RASSF3: variants seen among roughly 807,000 people sequenced by gnomAD.
The protein encoded by RASSF3 is Ras association domain family member 3, also known as ras association domain-containing protein 3.
RASSF3 carries 19 observed loss-of-function variants against 19.9 expected under a neutral mutation model. The ratio of observed to expected loss-of-function variants is 0.96; its 90% CI spans 0.67 to 1.40. The LOEUF is 1.40. Among genes scored for constraint, RASSF3 ranks in the 40% most tolerant of loss-of-function variants. RASSF3 has a pLI of 0.00. For synonymous variants in RASSF3, 110 were observed against 104.2 expected (o/e 1.06, Z -0.34); for missense variants, 306 against 289.8 (o/e 1.06, Z -0.41).
intron 1 of RASSF3, among the ~76,000 whole-genome samples, chr12:64,672,805 C>A (rs1872743511): frequency 1.3e-5 from 2 of 152,230 alleles, no homozygotes; most frequent in African/African-American, 4.8e-5. Flanking sequence ...GTATGAACCA[C>A]TATGGCTAGC....
chr12:64,534,991 T>C (rs1047905273), intron 1 of RASSF3, among the ~76,000 whole-genome samples: 1 of 152,132 alleles, frequency 6.6e-6, no homozygotes, highest in Non-Finnish European at 1.5e-5. Context: ...ACGTACACCG[T>C]CATTTTATGT....
intron 1 of RASSF3, among the ~76,000 whole-genome samples, chr12:64,651,230 A>G (rs1009900703): frequency 6.6e-6 from 1 of 152,168 alleles, no homozygotes; most frequent in Admixed American, 6.5e-5. Context: ...ATGTCAGGAA[A>G]TTTTGTAGCT....
At chr12:64,647,843 C>T (rs1378780523) in intron 1 of RASSF3, among the ~76,000 whole-genome samples, 2 of 152,148 alleles carry the variant, frequency 1.3e-5, no homozygotes, top group Admixed American at 6.5e-5. Context: ...AGCCACTGTC[C>T]CCAGCCTCCC....
chr12:64,569,702 A>C (rs1869486711), intron 2 of RASSF3, among the ~76,000 whole-genome samples: 1 of 152,224 alleles, frequency 6.6e-6, no homozygotes, highest in South Asian at 2.1e-4. Context: ...GCAGTGGCTC[A>C]CGCCTGTAAT....
At chr12:64,580,354 A>C (rs536615720) in intron 2 of RASSF3, among the ~76,000 whole-genome samples, 1 of 152,232 alleles carries the variant, frequency 6.6e-6, no homozygotes, top group African/African-American at 2.4e-5. Context: ...CATTTTAATT[A>C]TTATATTCAT....
chr12:64,615,167 T>C (rs1870509139), intron 1 of RASSF3, among the ~76,000 whole-genome samples: 1 of 152,224 alleles, frequency 6.6e-6, no homozygotes, highest in Non-Finnish European at 1.5e-5. Flanking sequence ...TTATTTGCCT[T>C]CTTGATTTCC....
chr12:64,571,722 G>A (rs1042142908), intron 2 of RASSF3, among the ~76,000 whole-genome samples: 35 of 152,202 alleles, frequency 2.3e-4, no homozygotes, highest in African/African-American at 8.2e-4. Flanking sequence ...AGAGAGATTC[G>A]TGACACTTTT....
At position 64,696,896 on chromosome 12, in the gene RASSF3, TG is replaced by T. The variant is rs1868383096; in HGVS notation, c.*1985del. The stretch of plus-strand genomic sequence containing the variant: ...TTCAGGGAATGCCTTCGTGATTTTT[TG>T]TACTGGTTTTATTATTCAGACTATG... On this transcript the variant is annotated 3_prime_UTR_variant, in exon 5 of 5. Coordinates refer to ENST00000542104, the MANE Select transcript of RASSF3 (RefSeq NM_178169.4). The T allele has an allele frequency of 6.6e-6, 1 of 152,200 alleles. No individual in the cohort carries two copies. Among genetic ancestry groups the T allele is most frequent in the Non-Finnish European group, 1.5e-5 (1 of 68,040 alleles). 9.4% of individuals were successfully genotyped at this position (152,200 alleles called of 1,614,324 possible).
intron 3 of RASSF3, among the ~76,000 whole-genome samples, chr12:64,688,988 G>A (rs1485723725): frequency 5.9e-5 from 9 of 152,218 alleles, no homozygotes; most frequent in Middle Eastern, 3.4e-3. Context: ...GTGTTACGCC[G>A]GGACATTTTG....
intron 1 of RASSF3, among the ~76,000 whole-genome samples, chr12:64,672,618 C>T (rs1443853558): frequency 6.6e-6 from 1 of 152,130 alleles, no homozygotes; most frequent in Admixed American, 6.6e-5. Flanking sequence ...AGGCAATCCT[C>T]CCACCTCAGC....
chr12:64,609,968 C>T (rs911952439), upstream of RASSF3, among the ~76,000 whole-genome samples: 1 of 152,188 alleles, frequency 6.6e-6, no homozygotes, highest in Admixed American at 6.5e-5. Flanking sequence ...TCTCTGCCAA[C>T]TTGAAATCCT....
intron 2 of RASSF3, among the ~76,000 whole-genome samples, chr12:64,568,596 T>G (rs1869469677): frequency 6.6e-6 from 1 of 152,126 alleles, no homozygotes; most frequent in Non-Finnish European, 1.5e-5. Flanking sequence ...GGAGCTGCAG[T>G]CAGGCACTCC....
chr12:64,510,970 T>C (rs1364955358), intron 1 of RASSF3, among the ~76,000 whole-genome samples: 1 of 152,242 alleles, frequency 6.6e-6, no homozygotes, highest in African/African-American at 2.4e-5. Context: ...CTGAGAGCTG[T>C]GTGACTTTGA....
At chr12:64,565,503 A>G (rs1392309333) in intron 2 of RASSF3, among the ~76,000 whole-genome samples, 2 of 152,098 alleles carry the variant, frequency 1.3e-5, no homozygotes, top group African/African-American at 2.4e-5. Flanking sequence ...ACCTGAGGTC[A>G]GGAGTTTGAG....
At chr12:64,591,804 A>T (rs767664277) in intron 2 of RASSF3, among the ~76,000 whole-genome samples, 1 of 152,152 alleles carries the variant, frequency 6.6e-6, no homozygotes, top group East Asian at 1.9e-4. Context: ...CAGAACTATA[A>T]ACCTAGATAT....
chr12:64,507,297 G>A (rs1219990666), exon 1 of RASSF3: 5 of 398,470 alleles, frequency 1.3e-5, no homozygotes, highest in East Asian at 7.1e-5. Context: ...TCAAAGAATC[G>A]GAAATCCAAG....
At chr12:64,687,160 AT>A (rs1187689343) in intron 2 of RASSF3, among the ~76,000 whole-genome samples, 2 of 151,082 alleles carry the variant, frequency 1.3e-5, no homozygotes, top group African/African-American at 2.4e-5. Flanking sequence ...CACCCAGCTA[AT>A]TTTTTTTTAT....
At chr12:64,624,249 A>G (rs771137447) in intron 1 of RASSF3, among the ~76,000 whole-genome samples, 6 of 151,908 alleles carry the variant, frequency 3.9e-5, no homozygotes, top group Non-Finnish European at 7.3e-5. Flanking sequence ...TAACATTACA[A>G]TGCATCTTGC....
chr12:64,634,688 C>G (rs1319306656), intron 1 of RASSF3, among the ~76,000 whole-genome samples: 1 of 145,298 alleles, frequency 6.9e-6, no homozygotes, highest in Non-Finnish European at 1.5e-5. Context: ...TTGAATTTGG[C>G]AGGCAAAGTT....
Sources: gnomAD v4.1 joint callset for allele counts (sites outside exome capture counted in the v4.1 genomes callset) on GRCh38, gnomAD v4.1.1 for gene constraint, MANE v1.5 for transcripts, NCBI Gene and HGNC (gene_info 2026-07-23, HGNC 2026-07-21) for gene names.